OSBPL8: variants seen among roughly 807,000 people sequenced by gnomAD.
OSBPL8 encodes oxysterol binding protein like 8.
A neutral mutation model predicts 125.5 loss-of-function variants in OSBPL8; 59 were observed. That is an observed-to-expected ratio of 0.47 (90% CI 0.38 to 0.58). The LOEUF (loss-of-function observed/expected upper bound fraction) is 0.58, where lower values mean the gene tolerates loss of function less well. Among genes scored for constraint, OSBPL8 ranks in the 20% least tolerant of loss-of-function variants. OSBPL8 has a pLI of 0.00. For synonymous variants in OSBPL8, 330 were observed against 338.9 expected, an observed-to-expected ratio of 0.97 and a Z score of 0.29; for missense variants, 758 against 1,047.8, an observed-to-expected ratio of 0.72 and a Z score of 3.82.
rs1486145574 is a variant in OSBPL8, at chr12:76,356,696, T to C, written c.2467A>G (p.Lys823Glu). Reference protein sequence around the residue: ...QSVKPSTRRKKGIELGDIQSS... With the variant: ...QSVKPSTRRKEGIELGDIQSS... ...TGAATGTCTCCCAGTTCTATTCCTT[T>C]CTTTCTTCTTGTACTTGGTTTTACT... Residue 823 changes from lysine to glutamate, a missense_variant, in exon 23 of 24, where the codon AAA becomes GAA. Coordinates refer to ENST00000261183, the MANE Select transcript of OSBPL8 (RefSeq NM_020841.5). 1 of 1,609,832 alleles carries C rather than the reference T, an allele frequency of 6.2e-7. No homozygotes were observed.
At chr12:76,455,309 G>A (rs992147250) in intron 3 of OSBPL8, among the ~76,000 whole-genome samples, 2 of 151,564 alleles carry the variant, frequency 1.3e-5, no homozygotes, top group African/African-American at 4.8e-5. Context: ...CTGAGTGATA[G>A]CTCAATAAGG....
intron 2 of OSBPL8, among the ~76,000 whole-genome samples, chr12:76,484,104 C>CA (rs565377034): frequency 2.1e-3 from 323 of 152,322 alleles, no homozygotes; most frequent in Non-Finnish European, 2.5e-3. Flanking sequence ...GTCTAGCACT[C>CA]AAAGCCTTCC....
chr12:76,540,556 C>T (rs970981726), intron 1 of OSBPL8, among the ~76,000 whole-genome samples: 2 of 148,792 alleles, frequency 1.3e-5, no homozygotes, highest in African/African-American at 5.0e-5. Flanking sequence ...AAGAATAACA[C>T]CAAACTGCTA....
intron 1 of OSBPL8, among the ~76,000 whole-genome samples, chr12:76,492,184 A>G (rs1278988966): frequency 6.6e-6 from 1 of 152,212 alleles, no homozygotes; most frequent in Non-Finnish European, 1.5e-5. Flanking sequence ...AGTAGGTGTC[A>G]TTGAAAAGGT....
intron 1 of OSBPL8, among the ~76,000 whole-genome samples, chr12:76,538,601 G>A (rs1950559820): frequency 6.6e-6 from 1 of 152,150 alleles, no homozygotes; most frequent in South Asian, 2.1e-4. Context: ...CTTTATCATT[G>A]TAAACAAACT....
At chr12:76,517,718 A>G (rs1881691685) in intron 1 of OSBPL8, among the ~76,000 whole-genome samples, 1 of 152,204 alleles carries the variant, frequency 6.6e-6, no homozygotes. Flanking sequence ...GCATCTGCTC[A>G]GCTTCTGATG....
chr12:76,367,752 A>G (rs995854778), intron 21 of OSBPL8, among the ~76,000 whole-genome samples: 3 of 152,184 alleles, frequency 2.0e-5, no homozygotes, highest in Admixed American at 1.3e-4. Flanking sequence ...TATGGGGATG[A>G]CATTTACACC....
At chr12:76,371,682 C>A in intron 18 of OSBPL8, 98 bp from the exon 19 acceptor site, 1 of 1,106,234 alleles carries the variant, frequency 9.0e-7, no homozygotes, top group Non-Finnish European at 1.2e-6. Flanking sequence ...TCTGGTTAAT[C>A]CTCCAGTTAA....
At chr12:76,428,700 G>A (rs964680837) in intron 4 of OSBPL8, among the ~76,000 whole-genome samples, 4 of 152,052 alleles carry the variant, frequency 2.6e-5, no homozygotes, top group Admixed American at 1.3e-4. Flanking sequence ...GACACATAGA[G>A]AACCACTACT....
intron 4 of OSBPL8, among the ~76,000 whole-genome samples, chr12:76,431,202 T>G (rs1316405775): frequency 1.3e-5 from 2 of 151,732 alleles, no homozygotes; most frequent in Non-Finnish European, 2.9e-5. Context: ...AACTATAAAA[T>G]GTTTTATGTG....
At chr12:76,460,853 T>C (rs184208350) in intron 2 of OSBPL8, among the ~76,000 whole-genome samples, 25 of 152,276 alleles carry the variant, frequency 1.6e-4, no homozygotes, top group Admixed American at 7.2e-4. Context: ...AATAATTACA[T>C]TATTTGTTGG....
chr12:76,369,595 T>G (rs913802646), intron 20 of OSBPL8, 42 bp downstream of exon 20: 24 of 1,566,728 alleles, frequency 1.5e-5, no homozygotes, highest in Non-Finnish European at 1.9e-5. Context: ...CAACAAACCA[T>G]GCTAATACAT....
intron 4 of OSBPL8, among the ~76,000 whole-genome samples, chr12:76,423,915 C>A (rs1869820632): frequency 1.3e-5 from 2 of 152,188 alleles, no homozygotes; most frequent in Admixed American, 1.3e-4. Flanking sequence ...AACGCTGGTT[C>A]TCTATTCATG....
chr12:76,399,785 T>C, intron 7 of OSBPL8, 88 bp downstream of exon 7: 1 of 945,880 alleles, frequency 1.1e-6, no homozygotes, highest in Non-Finnish European at 1.5e-6. Flanking sequence ...GCTGTTTTTG[T>C]CTTGTAGGCG....
At chr12:76,373,525 G>A in intron 17 of OSBPL8, 92 bp from the exon 18 acceptor site, 1 of 871,278 alleles carries the variant, frequency 1.1e-6, no homozygotes, top group Non-Finnish European at 1.8e-6. Flanking sequence ...AAAATTGCTT[G>A]TATAGTTACA....
In OSBPL8 at chr12:76,353,174, C is replaced by T. The variant is rs12229382; in HGVS notation, c.*2715G>A. 1 of 152,346 alleles carries T rather than the reference C, an allele frequency of 6.6e-6. No homozygotes were observed. The highest frequency in any genetic ancestry group is 1.5e-5 in the Non-Finnish European group (1 of 67,868). 9.4% of individuals were successfully genotyped at this position (152,346 alleles called of 1,614,324 possible). A position where few individuals can be genotyped will look rare whatever the true frequency, so the allele number is the denominator to read the frequency against. Reference sequence around the variant, plus strand: ...CTTTTCAATGGAATGCGGTTACCAACTGAGCTGTGACAAAGAGTACACTGT... The same window carrying T: ...CTTTTCAATGGAATGCGGTTACCAATTGAGCTGTGACAAAGAGTACACTGT... On this transcript the variant is annotated 3_prime_UTR_variant, in exon 24 of 24. Transcript: ENST00000261183.
At chr12:76,384,761 G>T (rs1413655210) in intron 14 of OSBPL8, among the ~76,000 whole-genome samples, 1 of 152,162 alleles carries the variant, frequency 6.6e-6, no homozygotes, top group African/African-American at 2.4e-5. Context: ...GAGCTCTTCT[G>T]TCAACAGCCA....
At position 76,375,386 on chromosome 12, in the gene OSBPL8, T is replaced by G. The variant is rs183034709; in HGVS notation, c.1730-16A>C. The G allele has an allele frequency of 8.8e-6, 14 of 1,583,524 alleles. No homozygotes were observed. The highest frequency in any genetic ancestry group is 1.2e-5 in the Non-Finnish European group (14 of 1,154,640). On this transcript the variant is annotated splice_polypyrimidine_tract_variant and intron_variant, in intron 16 of 23. Coordinates refer to ENST00000261183, the MANE Select transcript of OSBPL8 (RefSeq NM_020841.5). ...TAAAGAATTCCTAAAGGAAAAAGAT[T>G]TGACAAAAAATTGAAAAGAGTATAG... is the stretch of plus-strand genomic sequence containing the variant.
rs143396107 is a variant in OSBPL8 at position 76,377,874 on chromosome 12, A to G, written c.1729+578T>C. Among the ~76,000 whole-genome samples, 20 of 152,306 alleles carry G rather than the reference A, an allele frequency of 1.3e-4. No homozygotes were observed. In the East Asian group the frequency reaches 3.3e-3, roughly 25 times the overall value. ...TTCCTCTTCTAAAAAAGGGAATAAT[A>G]ATATTTCTATTTTATAGGAGCTGCT... On this transcript the variant is annotated intron_variant, in intron 16 of 23. Transcript: ENST00000261183.
Sources: allele counts gnomAD v4.1 joint callset (sites outside exome capture counted in the v4.1 genomes callset), GRCh38; gene constraint gnomAD v4.1.1; transcripts MANE v1.5; gene names NCBI Gene and HGNC (gene_info 2026-07-23, HGNC 2026-07-21).